Variants in WDR1 observed in about 807,000 individuals in gnomAD.
The protein encoded by WDR1 is WD repeat domain 1, also known as WD repeat-containing protein 1.
WDR1 carries 21 observed loss-of-function variants against 71.9 expected under a neutral mutation model. That is an observed-to-expected ratio of 0.29 (90% CI 0.21 to 0.42). The LOEUF is 0.42. Among genes scored for constraint, WDR1 ranks in the 10% least tolerant of loss-of-function variants. The pLI, the probability that WDR1 is intolerant of heterozygous loss-of-function variation, is 1.00. For missense variants in WDR1, 696 were observed against 824.5 expected (o/e 0.84, Z 1.91); for synonymous variants, 424 against 347.4 (o/e 1.22, Z -2.45).
At chr4:10,092,926 C>T (rs926680251) in intron 5 of WDR1, 9 of 565,014 alleles carry the variant, frequency 1.6e-5, no homozygotes, top group Non-Finnish European at 2.7e-5. Flanking sequence ...TGACGGTGTC[C>T]GGTCCACACT....
chr4:10,085,153 C>T (rs1356238947), intron 8 of WDR1, among the ~76,000 whole-genome samples: 1 of 152,254 alleles, frequency 6.6e-6, no homozygotes, highest in Non-Finnish European at 1.5e-5. Flanking sequence ...GTTTAGCCCC[C>T]TCCATATCTG....
chr4:10,104,077 T>C lies in WDR1; in HGVS notation c.139-91A>G. 3.0e-6 allele frequency: 4 copies of C among 1,334,702 alleles called. No individual in the cohort carries two copies. In the South Asian group the frequency reaches 3.8e-5, roughly 13 times the overall value. 82.7% of individuals were successfully genotyped at this position (1,334,702 alleles called of 1,614,324 possible). On this transcript the variant is annotated intron_variant, in intron 2 of 14. Coordinates refer to ENST00000499869, the MANE Select transcript of WDR1 (RefSeq NM_017491.5). ...ATCAACAGATATGGGGTGAAAGGGG[T>C]GTACAAAGAAACACTGAAGCTAAAA...
intron 13 of WDR1, 122 bp from the exon 14 acceptor site, chr4:10,077,570 G>C (rs71603984): frequency 3.9e-5 from 59 of 1,515,916 alleles, no homozygotes; most frequent in Non-Finnish European, 4.9e-5. Flanking sequence ...CTAACTCTAT[G>C]CCAGCGACCC....
Position 10,087,863 on chromosome 4 carries a change from C to A in WDR1, c.795G>T (p.Val265=), listed in dbSNP as rs1057380893. The change falls in exon 8 of 15, where the codon GTG becomes GTT. Residue 265 remains valine (V), a synonymous_variant. Coordinates refer to ENST00000499869, the MANE Select transcript of WDR1 (RefSeq NM_017491.5). ...TGGGAAATGTGCTGACCACGGAGTT[C>A]ACGCTGACGTCCCAAATCTTGGAAG... ...DKTSKIWDVS[V]NSVVSTFPMG... is the part of the protein sequence containing the mutation. 6.4e-7 allele frequency: 1 copy of A among 1,570,374 alleles called. No homozygotes were observed. Among genetic ancestry groups the A allele is most frequent in the Non-Finnish European group, 8.6e-7 (1 of 1,156,822 alleles).
intron 2 of WDR1, among the ~76,000 whole-genome samples, chr4:10,110,137 G>A (rs1713263819): frequency 6.6e-6 from 1 of 152,130 alleles, no homozygotes. Flanking sequence ...CTGGAGAGCA[G>A]GCAGGACCCA....
chr4:10,092,510 T>TC, intron 5 of WDR1: 4 of 155,536 alleles, frequency 2.6e-5, no homozygotes, highest in Admixed American at 1.3e-4. Context: ...GGCAGGGTGG[T>TC]GTCATGTGTC....
chr4:10,116,588 G>C, intron 1 of WDR1, 63 bp downstream of exon 1: 1 of 1,140,086 alleles, frequency 8.8e-7, no homozygotes, highest in Non-Finnish European at 1.1e-6. Flanking sequence ...GGCGCCTAGG[G>C]GCCGGGGACC....
chr4:10,085,313 A>T (rs1465471523), intron 8 of WDR1, among the ~76,000 whole-genome samples: 2 of 152,256 alleles, frequency 1.3e-5, no homozygotes, highest in African/African-American at 4.8e-5. Context: ...TGTTGCCACA[A>T]TATGGCATAG....
In WDR1 at chr4:10,116,232, T is replaced by C; in HGVS notation, c.19A>G (p.Lys7Glu). MPYEIKKVFASLPQVER... is the reference protein window; with the variant it reads MPYEIKEVFASLPQVER... ...ACCTGCGGGAGGCTGGCGAACACCT[T>C]CTCTGCGGAGACACAAATGCGGCGG... The change falls in exon 2 of 15, where the codon AAG becomes GAG. Residue 7 changes from lysine (K) to glutamate (E), a missense_variant and splice_region_variant. Transcript: ENST00000499869. 2.5e-6 allele frequency: 4 copies of C among 1,613,348 alleles called. No individual in the cohort carries two copies. The highest frequency in any genetic ancestry group is 3.4e-6 in the Non-Finnish European group (4 of 1,179,762).
At chr4:10,075,628 G>A in intron 14 of WDR1, 144 bp from the exon 15 acceptor site, 1 of 732,204 alleles carries the variant, frequency 1.4e-6, no homozygotes, top group Non-Finnish European at 2.3e-6. Flanking sequence ...TCAGGAGCCT[G>A]GCACGGTGGC....
chr4:10,088,756 T>C lies in WDR1; in HGVS notation c.559-15A>G. 3 of 1,581,118 alleles carry C rather than the reference T, an allele frequency of 1.9e-6. No individual in the cohort carries two copies. Among genetic ancestry groups the C allele is most frequent in the Non-Finnish European group, 2.6e-6 (3 of 1,162,470 alleles). On this transcript the variant is annotated splice_polypyrimidine_tract_variant and intron_variant, in intron 5 of 14. Coordinates refer to ENST00000499869, the MANE Select transcript of WDR1 (RefSeq NM_017491.5). The stretch of plus-strand genomic sequence containing the variant: ...CGGCTGTGGTCCTGCAGGAAAACAA[T>C]TACCTGCCTGATGAGGGGCCGCAGG...
At chr4:10,112,546 T>G (rs1381643362) in intron 2 of WDR1, among the ~76,000 whole-genome samples, 1 of 152,116 alleles carries the variant, frequency 6.6e-6, no homozygotes, top group Non-Finnish European at 1.5e-5. Flanking sequence ...TTCTACAAGT[T>G]TAAGAAGTGC....
intron 3 of WDR1, among the ~76,000 whole-genome samples, chr4:10,103,269 C>T (rs1044838732): frequency 3.8e-5 from 1 of 26,136 alleles, no homozygotes; most frequent in Non-Finnish European, 6.6e-5. Context: ...TTCACACATA[C>T]ACACACACAC....
chr4:10,077,705 C>A, intron 13 of WDR1, 48 bp downstream of exon 13: 1 of 1,504,226 alleles, frequency 6.6e-7, no homozygotes, highest in Non-Finnish European at 8.9e-7. Flanking sequence ...CCCACTGCCA[C>A]CTGCACCGCC....
At chr4:10,095,489 C>A (rs1281425555) in intron 5 of WDR1, among the ~76,000 whole-genome samples, 2 of 152,194 alleles carry the variant, frequency 1.3e-5, no homozygotes, top group Non-Finnish European at 2.9e-5. Flanking sequence ...TTAGCACTCA[C>A]ACCTCCTCTC....
chr4:10,099,173 G>C, intron 3 of WDR1, 34 bp from the exon 4 acceptor site: 1 of 1,252,532 alleles, frequency 8.0e-7, no homozygotes, highest in South Asian at 1.3e-5. Flanking sequence ...AGGGGGGGAG[G>C]CGGTGGTGGG....
At chr4:10,094,299 C>T (rs575096975) in intron 5 of WDR1, among the ~76,000 whole-genome samples, 2 of 152,322 alleles carry the variant, frequency 1.3e-5, no homozygotes, top group African/African-American at 2.4e-5. Flanking sequence ...CCAGAGGGGG[C>T]GTGTGGTCAT....
At chr4:10,077,046 G>A (rs1764824684) in intron 14 of WDR1, 1 of 475,390 alleles carries the variant, frequency 2.1e-6, no homozygotes, top group African/African-American at 1.9e-5. Context: ...AGTGGGGGAA[G>A]TGAAGATGTC....
intron 2 of WDR1, among the ~76,000 whole-genome samples, chr4:10,111,794 T>TC (rs1408598284): frequency 2.7e-5 from 4 of 148,616 alleles, no homozygotes; most frequent in Non-Finnish European, 6.0e-5. Flanking sequence ...CCCAATACCC[T>TC]CCCCAACCCC....
Sources: gnomAD v4.1 joint callset for allele counts (sites outside exome capture counted in the v4.1 genomes callset) on GRCh38, gnomAD v4.1.1 for gene constraint, MANE v1.5 for transcripts, NCBI Gene and HGNC (gene_info 2026-07-23, HGNC 2026-07-21) for gene names.